ACAD8: variants seen among roughly 807,000 people sequenced by gnomAD.
The protein encoded by ACAD8 is isobutyryl-CoA dehydrogenase, mitochondrial.
Under a neutral mutation model 53.1 loss-of-function variants are expected in ACAD8, and 47 were observed. That is an observed-to-expected ratio of 0.89 (90% CI 0.70 to 1.13). The LOEUF is 1.13. ACAD8 is among the 50% of genes most tolerant of loss of function. The pLI is 0.00. For missense variants in ACAD8, 494 were observed against 535.0 expected (o/e 0.92, Z 0.76); for synonymous variants, 198 against 201.3 (o/e 0.98, Z 0.14).
At position 134,261,153 on chromosome 11, in the gene ACAD8, G is replaced by A; in HGVS notation, c.815G>A (p.Gly272Glu). 1 of 1,612,954 alleles carries A rather than the reference G, an allele frequency of 6.2e-7. No homozygotes were observed. Residue 272 changes from glycine (G) to glutamate (E), a missense_variant, in exon 7 of 11, where the codon GGA (glycine) becomes GAA (glutamate). Physicochemically the swap from Gly to Glu is moderately conservative, Grantham distance 98. Coordinates refer to ENST00000281182, the MANE Select transcript of ACAD8 (RefSeq NM_014384.3). This position sits in a 1 kb window ranked among gnomAD's most constrained non-coding sequence, Gnocchi z 4.2. Reference protein sequence around the residue: ...EGQGFLIAVRGLNGGRINIAS... With the variant: ...EGQGFLIAVRELNGGRINIAS... ...CAGGGCTTCCTCATTGCCGTGAGAG[G>A]ACTGAACGGAGGGAGGATCAATATT...
At chr11:134,260,615 G>A (rs1035027088) in intron 6 of ACAD8, 2 of 298,790 alleles carry the variant, frequency 6.7e-6, no homozygotes, top group African/African-American at 4.4e-5. Context: ...TTCAGTAAAA[G>A]GCTTAGAAAT....
Position 134,253,584 on chromosome 11 carries a change from G to C in ACAD8, c.-17G>C. ...AAGGCGTTCAGACTCTTAGCTGAAC[G>C]CGGAGCTGCGGCGGCTATGCTGTGG... On this transcript the variant is annotated 5_prime_UTR_variant, in exon 1 of 11. Coordinates refer to ENST00000281182, the MANE Select transcript of ACAD8 (RefSeq NM_014384.3). 1 of 1,568,072 alleles carries C rather than the reference G, an allele frequency of 6.4e-7. No individual in the cohort carries two copies. Among genetic ancestry groups the C allele is most frequent in the South Asian group, 1.2e-5 (1 of 86,096 alleles).
chr11:134,264,898 C>T lies in ACAD8; in HGVS notation c.1196-10C>T, dbSNP rs1363475850. The T allele has an allele frequency of 1.2e-6, 2 of 1,613,800 alleles. No individual in the cohort carries two copies. The highest frequency in any genetic ancestry group is 1.7e-6 in the Non-Finnish European group (2 of 1,179,804). ...GCTGTGAAATTCTTCCTCCTTCCTC[C>T]CTCTTACAGGTAGCAATGAAGTGAT... On this transcript the variant is annotated splice_polypyrimidine_tract_variant and intron_variant, in intron 10 of 10. Transcript: ENST00000281182.
At chr11:134,264,538 T>C (rs183881422) in intron 10 of ACAD8, among the ~76,000 whole-genome samples, 2 of 152,202 alleles carry the variant, frequency 1.3e-5, no homozygotes, top group Admixed American at 6.5e-5. Context: ...AGAAAAAAAA[T>C]CACTCATGTT....
At chr11:134,256,993 C>T (rs1393344949) in intron 2 of ACAD8, 95 bp from the exon 3 acceptor site, 16 of 1,283,314 alleles carry the variant, frequency 1.2e-5, no homozygotes, top group East Asian at 9.2e-5. Context: ...CATACGCTGT[C>T]GCATGTGCAA....
At chr11:134,263,422 C>T in intron 10 of ACAD8, 4 of 984,630 alleles carry the variant, frequency 4.1e-6, no homozygotes, top group Non-Finnish European at 4.8e-6. Context: ...AGCTTCTGCT[C>T]CAGAGGGTCT....
At position 134,259,725 on chromosome 11, in the gene ACAD8, T is replaced by C. The variant is rs777736629; in HGVS notation, c.685T>C (p.Phe229Leu). 1 of 1,614,202 alleles carries C rather than the reference T, an allele frequency of 6.2e-7. No individual in the cohort carries two copies. The highest frequency in any genetic ancestry group is 2.2e-5 in the East Asian group (1 of 44,880). ...TGAGAAGGGGACCCCTGGCCTCAGC[T>C]TTGGCAAGAAGGAGAAAAAGGTGAG... Reference protein sequence around the residue: ...VVEKGTPGLSFGKKEKKVGWN... With the variant: ...VVEKGTPGLSLGKKEKKVGWN... The change falls in exon 6 of 11, where the codon TTT becomes CTT. Residue 229 changes from phenylalanine to leucine, a missense_variant. Coordinates refer to ENST00000281182, the MANE Select transcript of ACAD8 (RefSeq NM_014384.3).
chr11:134,253,862 C>T (rs1405974626), intron 1 of ACAD8, among the ~76,000 whole-genome samples, 153 bp downstream of exon 1: 1 of 151,592 alleles, frequency 6.6e-6, no homozygotes, highest in Non-Finnish European at 1.5e-5. Context: ...CCTACTCCGG[C>T]CGGTCACCCC....
At chr11:134,262,247 G>C (rs894848976) in intron 9 of ACAD8, 1 of 652,290 alleles carries the variant, frequency 1.5e-6, no homozygotes, top group Non-Finnish European at 2.8e-6. Flanking sequence ...ATCCCAGCCA[G>C]GGTGGCTGTG....
At position 134,257,025 on chromosome 11, in the gene ACAD8, C is replaced by T. The variant is rs908073210; in HGVS notation, c.211-63C>T. 1.9e-6 allele frequency: 3 copies of T among 1,565,648 alleles called. No homozygotes were observed. In the Admixed American group the frequency reaches 5.0e-5, roughly 26 times the overall value. ...GCAAGCCTCCTAATCCCTCACTGTG[C>T]CCTCTAAAAGGAAGGCCGTCTCTGA... On this transcript the variant is annotated intron_variant, in intron 2 of 10. Coordinates refer to ENST00000281182, the MANE Select transcript of ACAD8 (RefSeq NM_014384.3).
rs183752972 is a variant in ACAD8, at chr11:134,261,076, G to C, written c.738G>C (p.Val246=). The change falls in exon 7 of 11, where the codon GTG becomes GTC. Residue 246 remains valine (V), a synonymous_variant. Coordinates refer to ENST00000281182, the MANE Select transcript of ACAD8 (RefSeq NM_014384.3). The surrounding 1 kb of genome is among the most constrained non-coding windows in gnomAD (Gnocchi z 4.2). The part of the protein sequence containing the change: ...VGWNSQPTRA[V]IFEDCAVPVA... ...GGAACTCCCAGCCAACACGAGCTGTGATCTTCGAAGACTGTGCTGTCCCTG... is the reference window on the plus strand; with the variant it reads ...GGAACTCCCAGCCAACACGAGCTGTCATCTTCGAAGACTGTGCTGTCCCTG... 1.2e-6 allele frequency: 2 copies of C among 1,612,320 alleles called. No homozygotes were observed. Among genetic ancestry groups the C allele is most frequent in the African/African-American group, 2.7e-5 (2 of 74,904 alleles).
At position 134,265,191 on chromosome 11, in the gene ACAD8, C is replaced by T; in HGVS notation, c.*231C>T. The T allele has an allele frequency of 1.7e-6, 1 of 584,032 alleles. No individual in the cohort carries two copies. Among genetic ancestry groups the T allele is most frequent in the Non-Finnish European group, 3.0e-6 (1 of 327,872 alleles). 36.2% of individuals were successfully genotyped at this position (584,032 alleles called of 1,614,324 possible). The stretch of plus-strand genomic sequence containing the variant: ...ATGAGAAACATCAGAAGAACACATA[C>T]TACCTTGTTTTCCTAATGCCAGAAG... On this transcript the variant is annotated 3_prime_UTR_variant, in exon 11 of 11. Transcript: ENST00000281182.
rs902051912 is a variant in ACAD8 at position 134,256,540 on chromosome 11, G to A, written c.110-8G>A. The A allele has an allele frequency of 1.9e-6, 3 of 1,612,226 alleles. No individual in the cohort carries two copies. The Admixed American group carries it at 5.0e-5, about 27-fold the overall frequency. ...GTCCTAGAACAGTATATGCAATCCT[G>A]CCCACAGCTTCCATGGGACTTAATG... On this transcript the variant is annotated splice_region_variant and splice_polypyrimidine_tract_variant and intron_variant, in intron 1 of 10. Transcript: ENST00000281182.
At position 134,259,513 on chromosome 11, in the gene ACAD8, T is replaced by C. The variant is rs530467407; in HGVS notation, c.568-95T>C. The C allele has an allele frequency of 3.8e-5, 55 of 1,455,916 alleles. 1 individual carries two copies. The highest frequency in any genetic ancestry group is 1.0e-4 in the Admixed American group (6 of 59,650). 90.2% of individuals were successfully genotyped at this position (1,455,916 alleles called of 1,614,324 possible). A position where few individuals can be genotyped will look rare whatever the true frequency, so the allele number is the denominator to read the frequency against. Reference sequence around the variant, plus strand: ...GACCTTATTGTCAGTCTCTGTGCCATTGGACCTTATTGTCAGGAGGACCCA... The same window carrying C: ...GACCTTATTGTCAGTCTCTGTGCCACTGGACCTTATTGTCAGGAGGACCCA... On this transcript the variant is annotated intron_variant, in intron 5 of 10. Coordinates refer to ENST00000281182, the MANE Select transcript of ACAD8 (RefSeq NM_014384.3).
At position 134,261,810 on chromosome 11, in the gene ACAD8, G is replaced by C. The variant is rs1007974686; in HGVS notation, c.1012G>C (p.Val338Leu). ...GCGGCTGATGGTCCGCAATGCAGCA[G>C]TGGCTCTGCAGGAGGAGAGGAAGGA... The part of the protein sequence containing the change: ...AARLMVRNAA[V>L]ALQEERKDAV... Residue 338 changes from valine to leucine, a missense_variant, in exon 9 of 11, where the codon GTG (valine) becomes CTG (leucine). Transcript: ENST00000281182. The surrounding 1 kb of genome is among the most constrained non-coding windows in gnomAD (Gnocchi z 4.2). 2 of 1,614,232 alleles carry C rather than the reference G, an allele frequency of 1.2e-6. No individual in the cohort carries two copies. The highest frequency in any genetic ancestry group is 4.5e-5 in the East Asian group (2 of 44,878).
intron 1 of ACAD8, among the ~76,000 whole-genome samples, chr11:134,254,848 A>T (rs1939400738): frequency 6.6e-6 from 1 of 152,202 alleles, no homozygotes; most frequent in South Asian, 2.1e-4. Flanking sequence ...TCTGCTAGTA[A>T]CTATGTATTG....
chr11:134,263,637 C>T (rs1182907413), intron 10 of ACAD8: 26 of 985,320 alleles, frequency 2.6e-5, no homozygotes, highest in Non-Finnish European at 2.5e-5. Flanking sequence ...ACTGAATTCC[C>T]GAGAGTCGTT....
chr11:134,255,213 C>T (rs896350774), intron 1 of ACAD8, among the ~76,000 whole-genome samples: 8 of 152,132 alleles, frequency 5.3e-5, no homozygotes, highest in Admixed American at 2.0e-4. Context: ...CTCAACTCAC[C>T]GCAACCTCTG....
rs1257635290 is a variant in ACAD8 at position 134,264,888 on chromosome 11, C to T, written c.1196-20C>T. The stretch of plus-strand genomic sequence containing the variant: ...AGACTTTGCTGCTGTGAAATTCTTC[C>T]TCCTTCCTCCCTCTTACAGGTAGCA... On this transcript the variant is annotated intron_variant, in intron 10 of 10. Transcript: ENST00000281182. 2 of 1,612,998 alleles carry T rather than the reference C, an allele frequency of 1.2e-6. No homozygotes were observed. The highest frequency in any genetic ancestry group is 1.3e-5 in the African/African-American group (1 of 74,898).
Sources: gnomAD v4.1 joint callset for allele counts (sites outside exome capture counted in the v4.1 genomes callset) on GRCh38, gnomAD v4.1.1 for gene constraint, Gnocchi (gnomAD v3.1) non-coding constraint, MANE v1.5 for transcripts, NCBI Gene and HGNC (gene_info 2026-07-23, HGNC 2026-07-21) for gene names.